Variants in INPP5F observed in about 807,000 individuals in gnomAD.
INPP5F encodes the protein phosphatidylinositide 4-phosphatase SAC2.
INPP5F carries 97 observed loss-of-function variants against 137.2 expected under a neutral mutation model. That is an observed-to-expected ratio of 0.71 (90% CI 0.60 to 0.84). The LOEUF (loss-of-function observed/expected upper bound fraction) is 0.84. INPP5F is among the 40% of genes least tolerant of loss of function. The pLI is 0.00. For missense variants in INPP5F, 1,271 were observed against 1,371.9 expected, an observed-to-expected ratio of 0.93 and a Z score of 1.16; for synonymous variants, 504 against 476.9, an observed-to-expected ratio of 1.06 and a Z score of -0.74.
At chr10:119,821,750 CTGTG>C (rs67350306) in intron 16 of INPP5F, among the ~76,000 whole-genome samples, 1 of 150,874 alleles carries the variant, frequency 6.6e-6, no homozygotes, top group Non-Finnish European at 1.5e-5. Context: ...GTCTCTTGCT[CTGTG>C]TGTGTGTGCA....
At chr10:119,761,271 A>T (rs1849001104) in intron 2 of INPP5F, among the ~76,000 whole-genome samples, 1 of 152,216 alleles carries the variant, frequency 6.6e-6, no homozygotes, top group Non-Finnish European at 1.5e-5. Flanking sequence ...AGTCATTGTC[A>T]GTTTTCTATA....
At chr10:119,794,382 A>C (rs149270327) in intron 6 of INPP5F, among the ~76,000 whole-genome samples, 1,605 of 152,280 alleles carry the variant, frequency 0.011, 32 homozygotes, top group African/African-American at 0.037. Context: ...AATTTTTCTT[A>C]GTGCAGAACA....
At chr10:119,814,786 C>T (rs888692981) in intron 15 of INPP5F, among the ~76,000 whole-genome samples, 2 of 152,222 alleles carry the variant, frequency 1.3e-5, no homozygotes, top group Admixed American at 1.3e-4. Context: ...CCAGGGCTTG[C>T]AGCTGCCCCA....
chr10:119,754,686 C>T (rs1176384048), intron 2 of INPP5F, among the ~76,000 whole-genome samples: 1 of 152,012 alleles, frequency 6.6e-6, no homozygotes, highest in African/African-American at 2.4e-5. Flanking sequence ...TTTCTGGGCC[C>T]CTGCTGCTTT....
intron 6 of INPP5F, 34 bp downstream of exon 6, chr10:119,792,247 A>G (rs757711792): frequency 2.7e-6 from 4 of 1,472,494 alleles, no homozygotes; most frequent in South Asian, 2.3e-5. Flanking sequence ...CCTAACCGTA[A>G]TGAAATTGGT....
Position 119,827,215 on chromosome 10 carries a change from A to T in INPP5F, c.2834A>T (p.Asp945Val), listed in dbSNP as rs756912316. ...TTGAAGAAAAGTCCTTCTGCTGGCG[A>T]CGTACACATATTGACTGGCTTTGCC... ...SPLKKSPSAG[D>V]VHILTGFAKP... The change falls in exon 20 of 20, where the codon GAC becomes GTC. Residue 945 changes from aspartate (D) to valine (V), a missense_variant. Asp to Val is a radical substitution (Grantham distance 152). Around this residue, in one of 6 missense-constraint regions of INPP5F, gnomAD observed 490 missense variants for 443.7 expected, o/e 1.10. Transcript: ENST00000650623. 9.3e-6 allele frequency: 15 copies of T among 1,614,126 alleles called. No individual in the cohort carries two copies. Among genetic ancestry groups the T allele is most frequent in the Non-Finnish European group, 1.3e-5 (15 of 1,180,020 alleles).
chr10:119,747,479 A>G (rs1258450757), intron 1 of INPP5F, among the ~76,000 whole-genome samples: 1 of 152,090 alleles, frequency 6.6e-6, no homozygotes, highest in East Asian at 1.9e-4. Context: ...TTGGCCTCCC[A>G]AAGTGTTGGG....
intron 3 of INPP5F, among the ~76,000 whole-genome samples, chr10:119,791,059 A>G (rs1797478830): frequency 6.6e-6 from 1 of 152,260 alleles, no homozygotes; most frequent in South Asian, 2.1e-4. Flanking sequence ...GGCTCCCACT[A>G]GAGCAGGCTC....
rs189775348 is a variant in INPP5F at position 119,756,590 on chromosome 10, C to T, written c.178+5434C>T. On this transcript the variant is annotated intron_variant, in intron 2 of 19. Transcript: ENST00000650623. ...GGTAGATGTTGCAGTGAGCCAAGAT[C>T]GCACCACTGCACTCCAGCCTGGGCT... 1.5e-3 allele frequency among the ~76,000 whole-genome samples: 233 copies of T among 151,898 alleles called. 1 individual carries two copies. Among genetic ancestry groups the T allele is most frequent in the South Asian group, 3.5e-3 (17 of 4,802 alleles).
intron 1 of INPP5F, 91 bp downstream of exon 1, chr10:119,726,450 C>A: frequency 1.5e-6 from 1 of 664,166 alleles, no homozygotes; most frequent in Non-Finnish European, 2.1e-6. Flanking sequence ...CGGGAGGAGC[C>A]GCCTGCGGGC....
rs1171389572 is a variant in INPP5F, at chr10:119,811,820, A to G, written c.1751A>G (p.His584Arg). The G allele has an allele frequency of 1.9e-6, 3 of 1,614,184 alleles. No homozygotes were observed. The highest frequency in any genetic ancestry group is 1.7e-6 in the Non-Finnish European group (2 of 1,179,976). ...TCCATATTTACCAAGGAGAAAGAAC[A>G]TGAAGCTTTGCATAAGGAAAATCAG... ...LYSIFTKEKE[H>R]EALHKENQRS... is the part of the protein sequence containing the mutation. The change falls in exon 15 of 20, where the codon CAT becomes CGT. Residue 584 changes from histidine (H) to arginine (R), a missense_variant. Transcript: ENST00000650623.
At position 119,748,192 on chromosome 10, in the gene INPP5F, C is replaced by T. The variant is rs1352873366; in HGVS notation, c.98-2884C>T. Among the ~76,000 whole-genome samples, 1 of 152,216 alleles carries T rather than the reference C, an allele frequency of 6.6e-6. No individual in the cohort carries two copies. The highest frequency in any genetic ancestry group is 2.4e-5 in the African/African-American group (1 of 41,458). ...CCGTGGCAGGGCAGGCAGCTCCAGG[C>T]ACCGGTACAGGCACTGGCTTTGTGC... is the stretch of plus-strand genomic sequence containing the variant. On this transcript the variant is annotated intron_variant, in intron 1 of 19. Transcript: ENST00000650623. This position sits in a 1 kb window ranked among gnomAD's most constrained non-coding sequence, Gnocchi z 4.7.
chr10:119,731,305 G>A (rs1425343143), intron 1 of INPP5F, among the ~76,000 whole-genome samples: 2 of 151,168 alleles, frequency 1.3e-5, no homozygotes, highest in African/African-American at 4.9e-5. Flanking sequence ...TGTTTATTTG[G>A]AGTTTTGTGG....
At chr10:119,772,065 T>C (rs1849384044) in intron 2 of INPP5F, among the ~76,000 whole-genome samples, 1 of 150,566 alleles carries the variant, frequency 6.6e-6, no homozygotes, top group South Asian at 2.1e-4. Flanking sequence ...GCCGGGCTAA[T>C]TTTTTGTATT....
At chr10:119,818,252 T>A (rs1814567357) in intron 15 of INPP5F, among the ~76,000 whole-genome samples, 1 of 152,264 alleles carries the variant, frequency 6.6e-6, no homozygotes, top group Non-Finnish European at 1.5e-5. Flanking sequence ...AAAGAGGCTC[T>A]GAGACTGGAG....
At chr10:119,770,983 G>A (rs947870997) in intron 2 of INPP5F, among the ~76,000 whole-genome samples, 14 of 152,102 alleles carry the variant, frequency 9.2e-5, no homozygotes, top group Admixed American at 3.9e-4. Flanking sequence ...CCCTTTTAAA[G>A]TGTGCAGTTA....
At chr10:119,771,870 AT>A (rs1849358616) in intron 2 of INPP5F, among the ~76,000 whole-genome samples, 1 of 16,472 alleles carries the variant, frequency 6.1e-5, no homozygotes, top group African/African-American at 2.3e-4. Flanking sequence ...ATATATATAT[AT>A]ATATATATAT....
chr10:119,775,875 A>G (rs1259272270), intron 2 of INPP5F, among the ~76,000 whole-genome samples: 1 of 152,208 alleles, frequency 6.6e-6, no homozygotes, highest in Non-Finnish European at 1.5e-5. Context: ...TTTCAACTAT[A>G]GATTGGAAAT....
At chr10:119,813,983 C>T (rs1851154251) in intron 15 of INPP5F, among the ~76,000 whole-genome samples, 1 of 152,012 alleles carries the variant, frequency 6.6e-6, no homozygotes, top group South Asian at 2.1e-4. Context: ...TTTTTGACTC[C>T]CACCTCTGTC....
Sources: allele counts gnomAD v4.1 joint callset (sites outside exome capture counted in the v4.1 genomes callset), GRCh38; gene constraint gnomAD v4.1.1; regional missense constraint gnomAD v4.1.1; non-coding constraint Gnocchi (gnomAD v3.1); transcripts MANE v1.5; gene names NCBI Gene and HGNC (gene_info 2026-07-23, HGNC 2026-07-21).